Variants in MARCHF1 observed in about 807,000 individuals in gnomAD.
The protein encoded by MARCHF1 is membrane associated ring-CH-type finger 1, also known as E3 ubiquitin-protein ligase MARCHF1.
In MARCHF1, 40 loss-of-function variants were observed where a neutral mutation model predicts 54.2. That is an observed-to-expected ratio of 0.74 (90% CI 0.57 to 0.96). The LOEUF is 0.96. Ranked by LOEUF, MARCHF1 falls within the 40% of genes least tolerant of loss-of-function variation. The probability of loss-of-function intolerance (pLI) is 0.00; values close to 1 mark genes in which losing one functional copy is unlikely to be tolerated. For missense variants in MARCHF1, 586 were observed against 656.5 expected (o/e 0.89, Z 1.17); for synonymous variants, 236 against 236.3 (o/e 1.00, Z 0.01).
intron 1 of MARCHF1, among the ~76,000 whole-genome samples, chr4:164,321,745 T>C (rs974715232): frequency 3.3e-5 from 5 of 152,018 alleles, no homozygotes; most frequent in African/African-American, 9.7e-5. Flanking sequence ...TTTCAAACGA[T>C]AGCACAAAAG....
chr4:164,249,282 G>C lies in MARCHF1; in HGVS notation c.-323+134588C>G, dbSNP rs78372224. Among the ~76,000 whole-genome samples, 187 of 152,136 alleles carry C rather than the reference G, an allele frequency of 1.2e-3. 1 individual carries two copies. Among genetic ancestry groups the C allele is most frequent in the African/African-American group, 3.9e-3 (164 of 41,542 alleles). On this transcript the variant is annotated intron_variant, in intron 1 of 9. Coordinates refer to ENST00000514618, the MANE Select transcript of MARCHF1 (RefSeq NM_001394959.1). Reference sequence around the variant, plus strand: ...ATGATTGCATCACTTGAAGTGACTTGAAGTCACTAGAAGAAAGGAAGGCTC... The same window carrying C: ...ATGATTGCATCACTTGAAGTGACTTCAAGTCACTAGAAGAAAGGAAGGCTC...
intron 8 of MARCHF1, among the ~76,000 whole-genome samples, chr4:163,560,071 T>A (rs985298970): frequency 6.6e-6 from 1 of 152,266 alleles, no homozygotes; most frequent in Non-Finnish European, 1.5e-5. Flanking sequence ...CAGATGTTTT[T>A]AATTTTGACA....
chr4:163,925,742 T>A (rs1375044695), intron 3 of MARCHF1, among the ~76,000 whole-genome samples: 3 of 151,770 alleles, frequency 2.0e-5, no homozygotes, highest in Non-Finnish European at 4.4e-5. Flanking sequence ...ACCCAATCTC[T>A]TTAGAGAAAC....
chr4:164,096,704 G>C (rs1308824726), intron 2 of MARCHF1, among the ~76,000 whole-genome samples: 1 of 152,018 alleles, frequency 6.6e-6, no homozygotes, highest in Non-Finnish European at 1.5e-5. Context: ...ATAGAAATTT[G>C]TTATTCTATA....
intron 2 of MARCHF1, among the ~76,000 whole-genome samples, chr4:164,073,597 T>A (rs1445466148): frequency 6.6e-6 from 1 of 151,960 alleles, no homozygotes; most frequent in African/African-American, 2.4e-5. Flanking sequence ...CATACCTATA[T>A]AACAAACCTG....
At chr4:164,205,240 G>T (rs1479851583) in intron 1 of MARCHF1, among the ~76,000 whole-genome samples, 3 of 152,148 alleles carry the variant, frequency 2.0e-5, no homozygotes, top group African/African-American at 7.2e-5. Context: ...ACTAAGTAAT[G>T]ATGAGAGCTT....
intron 2 of MARCHF1, among the ~76,000 whole-genome samples, chr4:164,056,874 C>T (rs191796426): frequency 6.6e-6 from 1 of 152,266 alleles, no homozygotes; most frequent in African/African-American, 2.4e-5. Context: ...CCTCCCATCT[C>T]CCTAGGACAG....
intron 2 of MARCHF1, among the ~76,000 whole-genome samples, chr4:164,002,902 C>T (rs1753213357): frequency 6.6e-6 from 1 of 151,800 alleles, no homozygotes; most frequent in African/African-American, 2.4e-5. Context: ...AAAAGCCTGT[C>T]AGGTATGAAT....
At chr4:164,050,779 A>G (rs929232488) in intron 2 of MARCHF1, among the ~76,000 whole-genome samples, 2 of 152,164 alleles carry the variant, frequency 1.3e-5, no homozygotes, top group African/African-American at 4.8e-5. Flanking sequence ...CTAAAAATAC[A>G]AAAATTAGAC....
intron 1 of MARCHF1, among the ~76,000 whole-genome samples, chr4:164,259,779 G>C (rs1343019858): frequency 6.6e-6 from 1 of 152,122 alleles, no homozygotes; most frequent in Admixed American, 6.5e-5. Context: ...ACATGGATTT[G>C]GTCACTCTAA....
chr4:163,838,221 T>C (rs7665457), intron 4 of MARCHF1, among the ~76,000 whole-genome samples: 151,460 of 152,220 alleles, frequency 1, 75,354 homozygotes, highest in East Asian at 1. Flanking sequence ...ATGGTCAGGT[T>C]CCTGATGTAA....
intron 2 of MARCHF1, chr4:163,988,946 A>G (rs1752920330): frequency 6.6e-6 from 1 of 152,106 alleles, no homozygotes; most frequent in African/African-American, 2.4e-5. Context: ...TTTCTATGGT[A>G]CCTAATAACT....
intron 4 of MARCHF1, among the ~76,000 whole-genome samples, chr4:163,805,693 G>C (rs1294970989): frequency 1.3e-5 from 2 of 152,142 alleles, no homozygotes; most frequent in African/African-American, 2.4e-5. Context: ...TGAAGTGATT[G>C]TACCATATTG....
At chr4:163,756,490 G>A (rs1392483982) in intron 4 of MARCHF1, among the ~76,000 whole-genome samples, 2 of 151,636 alleles carry the variant, frequency 1.3e-5, no homozygotes, top group Non-Finnish European at 2.9e-5. Context: ...ATTATTAGCT[G>A]GGCGTGGTGG....
intron 1 of MARCHF1, among the ~76,000 whole-genome samples, chr4:164,351,435 C>T (rs1730329228): frequency 6.6e-6 from 1 of 150,708 alleles, no homozygotes; most frequent in Non-Finnish European, 1.5e-5. Context: ...AGACTGCCTC[C>T]TCAAGTGGGT....
chr4:164,059,155 T>C (rs575561224), intron 2 of MARCHF1, among the ~76,000 whole-genome samples: 1 of 152,286 alleles, frequency 6.6e-6, no homozygotes, highest in South Asian at 2.1e-4. Flanking sequence ...AAGCTGCCAA[T>C]TCCTCCAGGA....
chr4:163,584,587 C>T (rs889952693), intron 8 of MARCHF1: 1 of 152,058 alleles, frequency 6.6e-6, no homozygotes, highest in African/African-American at 2.4e-5. Flanking sequence ...CCACACATAT[C>T]CTAAAGGAAT....
rs1027820309 is a variant in MARCHF1 at position 163,998,441 on chromosome 4, A to T, written c.-247-9732T>A. Among the ~76,000 whole-genome samples the T allele has an allele frequency of 2.0e-5, 3 of 151,836 alleles. No individual in the cohort carries two copies. The East Asian group carries it at 5.8e-4, about 29-fold the overall frequency. On this transcript the variant is annotated intron_variant, in intron 2 of 9. Coordinates refer to ENST00000514618, the MANE Select transcript of MARCHF1 (RefSeq NM_001394959.1). ...AGTACTATGTTAATATTTTGATTAA[A>T]TAAATGAGATAATGGCTGTTGAGCT... is the stretch of plus-strand genomic sequence containing the variant.
intron 4 of MARCHF1, among the ~76,000 whole-genome samples, chr4:163,845,448 A>G (rs1291244860): frequency 2.9e-5 from 4 of 135,624 alleles, no homozygotes; most frequent in Admixed American, 8.3e-5. Flanking sequence ...GGGAGAGACA[A>G]TGCACCTCAG....
Sources: gnomAD v4.1 joint callset for allele counts (sites outside exome capture counted in the v4.1 genomes callset) on GRCh38, gnomAD v4.1.1 for gene constraint, MANE v1.5 for transcripts, NCBI Gene and HGNC (gene_info 2026-07-23, HGNC 2026-07-21) for gene names.